The following FRMD5 variants were observed in gnomAD, a reference collection of about 807,000 sequenced individuals.
The protein encoded by FRMD5 is FERM domain-containing protein 5.
A neutral mutation model predicts 69.0 loss-of-function variants in FRMD5; 20 were observed. The observed-to-expected ratio is 0.29, with a 90% CI of 0.20 to 0.42. FRMD5 has a LOEUF of 0.42. Among genes scored for constraint, FRMD5 ranks in the 10% least tolerant of loss-of-function variants. The pLI, the probability that FRMD5 is intolerant of heterozygous loss-of-function variation, is 1.00. For synonymous variants in FRMD5, 271 were observed against 260.1 expected, an observed-to-expected ratio of 1.04 and a Z score of -0.40; for missense variants, 595 against 708.6, an observed-to-expected ratio of 0.84 and a Z score of 1.82.
chr15:44,073,271 C>A (rs1259622112), intron 1 of FRMD5, among the ~76,000 whole-genome samples: 1 of 147,748 alleles, frequency 6.8e-6, no homozygotes, highest in Non-Finnish European at 1.5e-5. Flanking sequence ...TTTTCTTGAC[C>A]CTTCCAGACA....
chr15:43,981,536 T>C (rs997366544), intron 1 of FRMD5, among the ~76,000 whole-genome samples: 3 of 152,198 alleles, frequency 2.0e-5, no homozygotes, highest in African/African-American at 7.2e-5. Context: ...GGTGTAACTT[T>C]ATGGAAATAC....
intron 13 of FRMD5, among the ~76,000 whole-genome samples, chr15:43,883,162 C>T (rs1208982621): frequency 1.3e-5 from 2 of 151,462 alleles, no homozygotes; most frequent in Non-Finnish European, 2.9e-5. Flanking sequence ...AGCAGTGGCA[C>T]GAACTCAGCT....
chr15:43,999,970 A>ATGCCATGCATC (rs1890131616), intron 1 of FRMD5, among the ~76,000 whole-genome samples: 1 of 10,486 alleles, frequency 9.5e-5, no homozygotes, highest in Non-Finnish European at 9.5e-4. Context: ...ATATATATAT[A>ATGCCATGCATC]TATATATATA....
At chr15:43,985,280 C>CAAA (rs34455065) in intron 1 of FRMD5, among the ~76,000 whole-genome samples, 256 of 75,972 alleles carry the variant, frequency 3.4e-3, no homozygotes, top group Admixed American at 5.1e-3. Context: ...GACTCCGTCT[C>CAAA]AAAAAAAAAA....
upstream of FRMD5, among the ~76,000 whole-genome samples, chr15:44,197,365 T>C (rs997285474): frequency 6.6e-6 from 1 of 152,002 alleles, no homozygotes; most frequent in Admixed American, 6.6e-5. Flanking sequence ...AAGCTCAGCT[T>C]TGTTATGTAG....
At chr15:44,183,994 T>A (rs1347945959) in intron 1 of FRMD5, among the ~76,000 whole-genome samples, 1 of 150,884 alleles carries the variant, frequency 6.6e-6, no homozygotes, top group African/African-American at 2.4e-5. Context: ...AAAAAAAAGA[T>A]CTCCAATGTT....
chr15:43,916,539 G>A (rs1021005044), intron 4 of FRMD5, among the ~76,000 whole-genome samples: 29 of 152,118 alleles, frequency 1.9e-4, no homozygotes, highest in African/African-American at 6.3e-4. Context: ...GTAAGAGGCC[G>A]GGATAGTGGT....
At chr15:44,035,711 G>C (rs16958828) in intron 1 of FRMD5, among the ~76,000 whole-genome samples, 2,903 of 152,238 alleles carry the variant, frequency 0.019, 89 homozygotes, top group African/African-American at 0.066. Context: ...TCTTATTAGA[G>C]GTTGGTACCT....
At chr15:44,141,990 G>C (rs1187270066) in intron 1 of FRMD5, among the ~76,000 whole-genome samples, 1 of 152,070 alleles carries the variant, frequency 6.6e-6, no homozygotes, top group Non-Finnish European at 1.5e-5. Context: ...AATTAGGCTT[G>C]TTGTCCTTGT....
rs1555392707 is a variant in FRMD5, at chr15:43,999,926, T to TATATATATATATATATATGCCATGC, written c.103-75618_103-75617insGCATGGCATATATATATATATATAT. 6.2e-3 allele frequency among the ~76,000 whole-genome samples: 134 copies of TATATATATATATATATATGCCATGC among 21,578 alleles called. 17 individuals carry two copies. The highest frequency in any genetic ancestry group is 0.021 in the East Asian group (18 of 874). The allele number at this position is 21,578 out of a possible 152,430, so 14.2% of individuals were successfully genotyped here. On this transcript the variant is annotated intron_variant, in intron 1 of 13. Transcript: ENST00000417257. ...TTTTATATTTGTGTGTGTGTATGTA[T>TATATATATATATATATATGCCATGC]ATATATATATATATATATATGCCAT...
intron 1 of FRMD5, among the ~76,000 whole-genome samples, chr15:44,011,326 T>C (rs1890711380): frequency 6.6e-6 from 1 of 151,060 alleles, no homozygotes; most frequent in South Asian, 2.1e-4. Context: ...CAATGGGAAT[T>C]GAGAGACAGA....
intron 1 of FRMD5, among the ~76,000 whole-genome samples, chr15:43,983,979 T>C (rs1269394292): frequency 6.6e-6 from 1 of 152,202 alleles, no homozygotes; most frequent in Admixed American, 6.5e-5. Context: ...CAAGACACAT[T>C]AGCATTTCAA....
rs1202161221 is a variant in FRMD5, at chr15:43,875,348, C to CAAAA, written c.1136-890_1136-887dup. ...CCTGAGCAACAGAGAAAGACTGTCT[C>CAAAA]AAAAAAAAAAAAAAAATATATATAT... On this transcript the variant is annotated intron_variant, in intron 13 of 13. Coordinates refer to ENST00000417257, the MANE Select transcript of FRMD5 (RefSeq NM_032892.5). Among the ~76,000 whole-genome samples the CAAAA allele has an allele frequency of 1.2e-3, 58 of 46,782 alleles. 1 individual carries two copies. Among genetic ancestry groups the CAAAA allele is most frequent in the African/African-American group, 3.6e-3 (36 of 10,044 alleles). The allele number at this position is 46,782 out of a possible 152,430, so 30.7% of individuals were successfully genotyped here.
chr15:43,890,391 GGGTGGGTATAATTTAGGGACTGCA>G (rs1410333030), intron 8 of FRMD5, among the ~76,000 whole-genome samples: 1 of 152,180 alleles, frequency 6.6e-6, no homozygotes, highest in Non-Finnish European at 1.5e-5. Flanking sequence ...GTTTCTGGAA[GGGTGGGTATAATTTAGGGACTGCA>G]GGTGTCTGTG....
At chr15:44,104,752 G>T (rs1457659008) in intron 1 of FRMD5, among the ~76,000 whole-genome samples, 1 of 152,094 alleles carries the variant, frequency 6.6e-6, no homozygotes, top group Non-Finnish European at 1.5e-5. Flanking sequence ...TACACTCTAT[G>T]ATGTTCACAC....
In FRMD5 at chr15:43,949,911, G is replaced by C. The variant is rs143085445; in HGVS notation, c.103-25602C>G. ...TCTGCTAACTTAAAAAAAAAAGGATGAAAGAAGAAGACATTTGCATGCTGC... is the reference window on the plus strand; with the variant it reads ...TCTGCTAACTTAAAAAAAAAAGGATCAAAGAAGAAGACATTTGCATGCTGC... On this transcript the variant is annotated intron_variant, in intron 1 of 13. Coordinates refer to ENST00000417257, the MANE Select transcript of FRMD5 (RefSeq NM_032892.5). Among the ~76,000 whole-genome samples, 483 of 152,234 alleles carry C rather than the reference G, an allele frequency of 3.2e-3. 4 individuals carry two copies. Among genetic ancestry groups the C allele is most frequent in the African/African-American group, 0.011 (461 of 41,522 alleles).
chr15:43,874,311 G>A lies in FRMD5; in HGVS notation c.1287C>T (p.Ser429=), dbSNP rs779330622. Reference sequence around the variant, plus strand: ...GCTCAGCCACAGGGGTGGGCAGCACGCTGTCTGCAGGGCTGTAGGCCTCGT... The same window carrying A: ...GCTCAGCCACAGGGGTGGGCAGCACACTGTCTGCAGGGCTGTAGGCCTCGT... ...IADEAYSPAD[S]VLPTPVAEHS... is the part of the protein sequence containing the mutation. Residue 429 remains serine (S), a synonymous_variant, in exon 14 of 14, where the codon AGC becomes AGT. Transcript: ENST00000417257. The A allele has an allele frequency of 9.3e-6, 15 of 1,614,068 alleles. No homozygotes were observed. In the Admixed American group the frequency reaches 1.2e-4, roughly 13 times the overall value.
intron 1 of FRMD5, among the ~76,000 whole-genome samples, chr15:43,951,096 T>TA (rs2140510975): frequency 6.6e-6 from 1 of 152,208 alleles, no homozygotes; most frequent in Non-Finnish European, 1.5e-5. Context: ...TTTGAGAACA[T>TA]AAAAATCTGT....
At chr15:44,062,943 G>A (rs1893155251) in intron 1 of FRMD5, among the ~76,000 whole-genome samples, 1 of 151,970 alleles carries the variant, frequency 6.6e-6, no homozygotes, top group Non-Finnish European at 1.5e-5. Context: ...GTCCATTTCT[G>A]GACTCTCTAT....
Sources: gnomAD v4.1 joint callset for allele counts (sites outside exome capture counted in the v4.1 genomes callset) on GRCh38, gnomAD v4.1.1 for gene constraint, MANE v1.5 for transcripts, NCBI Gene and HGNC (gene_info 2026-07-23, HGNC 2026-07-21) for gene names.